Variants in CDH9 observed in about 807,000 individuals in gnomAD.
CDH9 encodes the protein cadherin-9.
In CDH9, 28 loss-of-function variants were observed where a neutral mutation model predicts 70.9. That is an observed-to-expected ratio of 0.40 (90% confidence interval 0.29 to 0.54). The LOEUF is 0.54. Ranked by LOEUF, CDH9 falls within the 20% of genes least tolerant of loss-of-function variation. The probability of loss-of-function intolerance (pLI) is 0.59; values close to 1 mark genes in which losing one functional copy is unlikely to be tolerated. For synonymous variants in CDH9, 409 were observed against 343.1 expected (o/e 1.19, Z -2.12); for missense variants, 874 against 984.4 (o/e 0.89, Z 1.50).
At chr5:27,035,891 C>T (rs1743385580) in intron 1 of CDH9, among the ~76,000 whole-genome samples, 1 of 151,690 alleles carries the variant, frequency 6.6e-6, no homozygotes, top group Non-Finnish European at 1.5e-5. Context: ...ATTGAAGCAT[C>T]TGCATTAATA....
At chr5:26,926,696 A>G (rs1395134979) in intron 2 of CDH9, among the ~76,000 whole-genome samples, 1 of 152,102 alleles carries the variant, frequency 6.6e-6, no homozygotes, top group East Asian at 1.9e-4. Flanking sequence ...TTCAAACTAT[A>G]CTACAAGGCT....
chr5:27,020,384 T>C (rs1397439748), intron 1 of CDH9, among the ~76,000 whole-genome samples: 1 of 151,642 alleles, frequency 6.6e-6, no homozygotes, highest in African/African-American at 2.4e-5. Flanking sequence ...CCATGAATTT[T>C]ATATTTACAC....
chr5:26,974,818 G>GTA (rs1742277599), intron 2 of CDH9, among the ~76,000 whole-genome samples: 1 of 151,720 alleles, frequency 6.6e-6, no homozygotes, highest in South Asian at 2.1e-4. Context: ...ACCCTTTTGT[G>GTA]TGTGTGTGTG....
At chr5:27,014,250 T>G (rs1743008187) in intron 1 of CDH9, among the ~76,000 whole-genome samples, 1 of 151,968 alleles carries the variant, frequency 6.6e-6, no homozygotes, top group Admixed American at 6.6e-5. Flanking sequence ...TAGATCAAGC[T>G]TTTTGAAGCA....
At chr5:27,024,678 T>C (rs968592097) in intron 1 of CDH9, among the ~76,000 whole-genome samples, 1 of 152,124 alleles carries the variant, frequency 6.6e-6, no homozygotes, top group Non-Finnish European at 1.5e-5. Flanking sequence ...ATTCCAAGAA[T>C]TCTAATTATC....
In CDH9 at chr5:27,017,716, A is replaced by G. The variant is rs574271451; in HGVS notation, c.-50+20747T>C. The stretch of plus-strand genomic sequence containing the variant: ...ACCTCATAAATCAACGGAAGACCCA[A>G]AGTATATTTTGTTTAGAAAGTTGCC... On this transcript the variant is annotated intron_variant, in intron 1 of 11. Coordinates refer to ENST00000231021, the MANE Select transcript of CDH9 (RefSeq NM_016279.4). Among the ~76,000 whole-genome samples, 17 of 152,154 alleles carry G rather than the reference A, an allele frequency of 1.1e-4. No homozygotes were observed. The South Asian group carries it at 3.5e-3, about 32-fold the overall frequency.
At chr5:26,998,989 G>A (rs1220990042) in intron 1 of CDH9, among the ~76,000 whole-genome samples, 1 of 152,114 alleles carries the variant, frequency 6.6e-6, no homozygotes, top group Admixed American at 6.5e-5. Flanking sequence ...GCTCATGCCT[G>A]TAATCCCAGC....
At chr5:26,980,154 T>C (rs975659669) in intron 2 of CDH9, among the ~76,000 whole-genome samples, 5 of 151,856 alleles carry the variant, frequency 3.3e-5, no homozygotes, top group African/African-American at 4.8e-5. Context: ...ATTATAGTTT[T>C]TCAAGAGAAA....
At chr5:27,004,141 C>A in intron 1 of CDH9, among the ~76,000 whole-genome samples, 1 of 148,422 alleles carries the variant, frequency 6.7e-6, no homozygotes, top group Non-Finnish European at 1.5e-5. Flanking sequence ...GAGGGCCTCT[C>A]TCTTATGGTG....
chr5:27,020,206 T>A (rs1346841162), intron 1 of CDH9, among the ~76,000 whole-genome samples: 1 of 151,758 alleles, frequency 6.6e-6, no homozygotes, highest in East Asian at 1.9e-4. Context: ...TCAATTAATA[T>A]TTAATTTAAA....
chr5:26,934,730 G>T, intron 2 of CDH9, among the ~76,000 whole-genome samples: 1 of 151,960 alleles, frequency 6.6e-6, no homozygotes, highest in East Asian at 1.9e-4. Context: ...AGTCTATATA[G>T]GCTTACAGAG....
At chr5:26,895,566 T>A (rs756199896) in intron 7 of CDH9, among the ~76,000 whole-genome samples, 32 of 151,944 alleles carry the variant, frequency 2.1e-4, no homozygotes, top group Non-Finnish European at 4.4e-4. Flanking sequence ...ACGTTAAGCA[T>A]AAAATAGGTG....
At chr5:26,936,782 T>A (rs1741566097) in intron 2 of CDH9, among the ~76,000 whole-genome samples, 1 of 151,950 alleles carries the variant, frequency 6.6e-6, no homozygotes, top group Admixed American at 6.6e-5. Context: ...GAAAAGACAG[T>A]CTTTTCAACA....
At chr5:26,986,590 T>C (rs1014615416) in intron 2 of CDH9, among the ~76,000 whole-genome samples, 7 of 152,114 alleles carry the variant, frequency 4.6e-5, no homozygotes, top group African/African-American at 1.7e-4. Flanking sequence ...GCCTTAGGAT[T>C]ATGAGCGACT....
chr5:26,944,301 T>C (rs984220706), intron 2 of CDH9, among the ~76,000 whole-genome samples: 2 of 152,134 alleles, frequency 1.3e-5, no homozygotes, highest in Admixed American at 1.3e-4. Flanking sequence ...CTCTTTTCTA[T>C]AAAGACAGTT....
chr5:26,972,212 T>G (rs1316407123), intron 2 of CDH9, among the ~76,000 whole-genome samples: 1 of 152,082 alleles, frequency 6.6e-6, no homozygotes, highest in East Asian at 1.9e-4. Flanking sequence ...ATAAGACCAG[T>G]TAGGGGTCTA....
At chr5:26,908,940 A>G (rs1579677045) in intron 3 of CDH9, among the ~76,000 whole-genome samples, 1 of 152,150 alleles carries the variant, frequency 6.6e-6, no homozygotes, top group African/African-American at 2.4e-5. Flanking sequence ...AGTTAAAAGC[A>G]TTTAGTAATA....
At chr5:26,935,390 C>T (rs1481136766) in intron 2 of CDH9, among the ~76,000 whole-genome samples, 1 of 151,962 alleles carries the variant, frequency 6.6e-6, no homozygotes, top group Non-Finnish European at 1.5e-5. Flanking sequence ...TACCTAATGC[C>T]ATAACACAAG....
chr5:26,889,435 T>A (rs2111971813), intron 9 of CDH9, among the ~76,000 whole-genome samples: 1 of 152,166 alleles, frequency 6.6e-6, no homozygotes, highest in Admixed American at 6.6e-5. Flanking sequence ...AAGAAAACAA[T>A]GATTATGATT....
Sources: allele counts gnomAD v4.1 joint callset (sites outside exome capture counted in the v4.1 genomes callset), GRCh38; gene constraint gnomAD v4.1.1; transcripts MANE v1.5; gene names NCBI Gene and HGNC (gene_info 2026-07-23, HGNC 2026-07-21).